OSBPL1A: variants seen among roughly 807,000 people sequenced by gnomAD.
OSBPL1A encodes the protein oxysterol binding protein like 1A, also known as oxysterol-binding protein-related protein 1.
A neutral mutation model predicts 137.1 loss-of-function variants in OSBPL1A; 80 were observed. The observed-to-expected ratio is 0.58, with a 90% CI of 0.49 to 0.70. The LOEUF (loss-of-function observed/expected upper bound fraction) is 0.70, where lower values mean the gene tolerates loss of function less well. Ranked by LOEUF, OSBPL1A falls within the 30% of genes least tolerant of loss-of-function variation. The pLI is 0.00. For synonymous variants in OSBPL1A, 365 were observed against 389.7 expected, an observed-to-expected ratio of 0.94 and a Z score of 0.75; for missense variants, 970 against 1,129.4, an observed-to-expected ratio of 0.86 and a Z score of 2.02.
intron 15 of OSBPL1A, among the ~76,000 whole-genome samples, chr18:24,270,049 C>A (rs1431389499): frequency 6.6e-6 from 1 of 152,162 alleles, no homozygotes; most frequent in Non-Finnish European, 1.5e-5. Context: ...ATAAAATAAA[C>A]TGAAAATTTT....
At chr18:24,302,044 C>G (rs1029644409) in intron 14 of OSBPL1A, among the ~76,000 whole-genome samples, 10 of 151,956 alleles carry the variant, frequency 6.6e-5, no homozygotes, top group Non-Finnish European at 1.5e-4. Context: ...CTGGCTAACA[C>G]GGTGAAACCC....
chr18:24,235,695 C>T (rs754949165), intron 16 of OSBPL1A, among the ~76,000 whole-genome samples: 4 of 152,120 alleles, frequency 2.6e-5, no homozygotes, highest in Non-Finnish European at 4.4e-5. Flanking sequence ...AAGCTGACAG[C>T]TGAATATGTA....
At chr18:24,373,589 C>A (rs981129946) in intron 2 of OSBPL1A, among the ~76,000 whole-genome samples, 1 of 152,214 alleles carries the variant, frequency 6.6e-6, no homozygotes, top group Non-Finnish European at 1.5e-5. Flanking sequence ...CCACTCACAT[C>A]AGCCCTTCTT....
At chr18:24,292,782 G>A (rs975846458) in intron 14 of OSBPL1A, among the ~76,000 whole-genome samples, 1 of 152,078 alleles carries the variant, frequency 6.6e-6, no homozygotes, top group Non-Finnish European at 1.5e-5. Context: ...ACCAGCTAAG[G>A]GTCTCAGCAG....
chr18:24,256,303 AGGGATG>A (rs2089273186), intron 15 of OSBPL1A, among the ~76,000 whole-genome samples: 1 of 152,262 alleles, frequency 6.6e-6, no homozygotes, highest in Non-Finnish European at 1.5e-5. Flanking sequence ...GATTTATCCC[AGGGATG>A]GTACAACATA....
chr18:24,308,128 T>G (rs1326128306), intron 13 of OSBPL1A, among the ~76,000 whole-genome samples: 1 of 148,226 alleles, frequency 6.7e-6, no homozygotes, highest in Non-Finnish European at 1.5e-5. Context: ...TTTTTTTTTT[T>G]TTTTTGAGAC....
At chr18:24,266,583 G>C (rs2089580687) in intron 15 of OSBPL1A, among the ~76,000 whole-genome samples, 1 of 152,128 alleles carries the variant, frequency 6.6e-6, no homozygotes, top group African/African-American at 2.4e-5. Flanking sequence ...AAAAGAAACA[G>C]AAATGCCAAG....
intron 24 of OSBPL1A, 25 bp downstream of exon 24, chr18:24,170,302 C>T (rs1288140614): frequency 2.5e-6 from 4 of 1,613,258 alleles, no homozygotes; most frequent in African/African-American, 1.3e-5. Flanking sequence ...GTTATTCCTT[C>T]GATACCACCT....
intron 15 of OSBPL1A, among the ~76,000 whole-genome samples, chr18:24,280,085 G>A (rs1472231566): frequency 2.0e-5 from 3 of 151,856 alleles, no homozygotes; most frequent in Non-Finnish European, 4.4e-5. Flanking sequence ...TAGCTGGATT[G>A]CAGGTGTGCG....
rs151175759 is a variant in OSBPL1A at position 24,169,380 on chromosome 18, G to T, written c.2418+947C>A. Among the ~76,000 whole-genome samples, 26 of 152,306 alleles carry T rather than the reference G, an allele frequency of 1.7e-4. No individual in the cohort carries two copies. In the East Asian group the frequency reaches 4.8e-3, roughly 28 times the overall value. On this transcript the variant is annotated intron_variant, in intron 24 of 27. Transcript: ENST00000319481. ...GAGACTGGTCTTCGGTAGGTCTGAGGTGAAGCTGGGCCGCCTGCATTTCTA... is the reference window on the plus strand; with the variant it reads ...GAGACTGGTCTTCGGTAGGTCTGAGTTGAAGCTGGGCCGCCTGCATTTCTA...
intron 15 of OSBPL1A, among the ~76,000 whole-genome samples, chr18:24,265,534 C>A (rs530369179): frequency 6.6e-6 from 1 of 152,204 alleles, no homozygotes; most frequent in South Asian, 2.1e-4. Flanking sequence ...GCTCACAAAT[C>A]ATTTCTAATC....
chr18:24,301,835 T>G (rs1423814768), intron 14 of OSBPL1A, among the ~76,000 whole-genome samples: 1 of 152,230 alleles, frequency 6.6e-6, no homozygotes, highest in Non-Finnish European at 1.5e-5. Context: ...TACAGAATAC[T>G]TATGGTCCAT....
intron 13 of OSBPL1A, among the ~76,000 whole-genome samples, chr18:24,306,509 C>T (rs1352351167): frequency 6.6e-6 from 1 of 152,180 alleles, no homozygotes; most frequent in African/African-American, 2.4e-5. Flanking sequence ...ATACACACAA[C>T]ATTACGGTGA....
At chr18:24,332,046 CT>C (rs1461352274) in intron 7 of OSBPL1A, among the ~76,000 whole-genome samples, 2 of 151,918 alleles carry the variant, frequency 1.3e-5, no homozygotes, top group Non-Finnish European at 2.9e-5. Context: ...CACTTTCCAC[CT>C]TTTGTATTTT....
chr18:24,177,248 T>C (rs1314489810), intron 21 of OSBPL1A, among the ~76,000 whole-genome samples: 1 of 152,206 alleles, frequency 6.6e-6, no homozygotes, highest in South Asian at 2.1e-4. Context: ...GGATTTCCCC[T>C]ATTCTCTACT....
intron 24 of OSBPL1A, among the ~76,000 whole-genome samples, chr18:24,169,768 G>A (rs1328858408): frequency 6.6e-6 from 1 of 152,158 alleles, no homozygotes; most frequent in Non-Finnish European, 1.5e-5. Flanking sequence ...CTAACCACTG[G>A]AGCCTGTTTG....
intron 4 of OSBPL1A, among the ~76,000 whole-genome samples, chr18:24,350,677 A>G (rs1207461365): frequency 6.6e-6 from 1 of 152,178 alleles, no homozygotes; most frequent in East Asian, 1.9e-4. Flanking sequence ...GAATAGCACT[A>G]GACTTCTCAA....
chr18:24,282,547 A>C (rs2089980805), intron 14 of OSBPL1A, among the ~76,000 whole-genome samples: 1 of 152,188 alleles, frequency 6.6e-6, no homozygotes, highest in South Asian at 2.1e-4. Context: ...TACTCATTAA[A>C]AATAAAAAAC....
chr18:24,242,942 G>C (rs911591108), intron 15 of OSBPL1A, among the ~76,000 whole-genome samples: 12 of 152,098 alleles, frequency 7.9e-5, no homozygotes, highest in Non-Finnish European at 1.5e-4. Context: ...ATAAAAAGCT[G>C]TCCTACTTCC....
Sources: allele counts gnomAD v4.1 joint callset (sites outside exome capture counted in the v4.1 genomes callset), GRCh38; gene constraint gnomAD v4.1.1; transcripts MANE v1.5; gene names NCBI Gene and HGNC (gene_info 2026-07-23, HGNC 2026-07-21).